Variants in NEK10 observed in about 807,000 individuals in gnomAD.
The protein encoded by NEK10 is serine/threonine-protein kinase Nek10.
Under a neutral mutation model 159.8 loss-of-function variants are expected in NEK10, and 122 were observed. The ratio of observed to expected loss-of-function variants is 0.76; its 90% CI spans 0.66 to 0.89. The LOEUF (loss-of-function observed/expected upper bound fraction) is 0.89, where lower values mean the gene tolerates loss of function less well. Ranked by LOEUF, NEK10 falls within the 40% of genes least tolerant of loss-of-function variation. The pLI is 0.00. For synonymous variants in NEK10, 466 were observed against 457.1 expected (o/e 1.02, Z -0.25); for missense variants, 1,342 against 1,323.1 (o/e 1.01, Z -0.22).
At chr3:27,280,905 T>C (rs2042106311) in intron 22 of NEK10, among the ~76,000 whole-genome samples, 1 of 132,684 alleles carries the variant, frequency 7.5e-6, no homozygotes, top group Non-Finnish European at 1.6e-5. Context: ...TGTGTATATG[T>C]ACATATGGTG....
chr3:27,257,026 G>A (rs568918561), intron 22 of NEK10, among the ~76,000 whole-genome samples: 2 of 147,252 alleles, frequency 1.4e-5, no homozygotes, highest in South Asian at 2.1e-4. Flanking sequence ...AGCAATTCTC[G>A]TGCCTCAGCC....
At chr3:27,264,244 C>G (rs1019811556) in intron 22 of NEK10, among the ~76,000 whole-genome samples, 12 of 152,138 alleles carry the variant, frequency 7.9e-5, no homozygotes, top group Non-Finnish European at 1.6e-4. Context: ...CAATTCTACA[C>G]AAACTCTACC....
chr3:27,311,073 C>A (rs2044659587), intron 8 of NEK10, 57 bp from the exon 9 acceptor site: 1 of 1,083,720 alleles, frequency 9.2e-7, no homozygotes, highest in East Asian at 2.4e-5. Context: ...GGGAGTACTT[C>A]CAGGAGCACA....
chr3:27,249,844 T>C (rs1056460115), intron 23 of NEK10, among the ~76,000 whole-genome samples: 4 of 152,196 alleles, frequency 2.6e-5, no homozygotes, highest in Non-Finnish European at 5.9e-5. Context: ...TTTTCTTTTA[T>C]GGTATGATTT....
chr3:27,191,964 A>G (rs1274983386), intron 26 of NEK10, 65 bp downstream of exon 26: 4 of 1,394,666 alleles, frequency 2.9e-6, no homozygotes, highest in Non-Finnish European at 4.1e-6. Context: ...CCTTAAAACA[A>G]GCATGAACAA....
intron 5 of NEK10, among the ~76,000 whole-genome samples, chr3:27,335,486 A>G (rs1361700965): frequency 1.3e-5 from 2 of 152,220 alleles, no homozygotes; most frequent in Admixed American, 6.5e-5. Flanking sequence ...TTGGATTTAA[A>G]CTGGACATTA....
At chr3:27,271,042 G>C (rs146293893) in intron 22 of NEK10, among the ~76,000 whole-genome samples, 1 of 152,100 alleles carries the variant, frequency 6.6e-6, no homozygotes, top group African/African-American at 2.4e-5. Context: ...ACTTTGTATT[G>C]CTTATCCCTG....
chr3:27,330,141 AC>A lies in NEK10; in HGVS notation c.363-7881del, dbSNP rs1430565769. Reference sequence around the variant, plus strand: ...CAGAACCCTTGGATATCAAGGGCTGACTGTGCCTGTGTGTGTGTGTACATGT... The same window carrying A: ...CAGAACCCTTGGATATCAAGGGCTGATGTGCCTGTGTGTGTGTGTACATGT... On this transcript the variant is annotated intron_variant, in intron 5 of 35. Transcript: ENST00000691995. Among the ~76,000 whole-genome samples the A allele has an allele frequency of 7.4e-5, 6 of 81,174 alleles. No homozygotes were observed. In the East Asian group the frequency reaches 5.1e-3, roughly 69 times the overall value. 53.3% of individuals were successfully genotyped at this position (81,174 alleles called of 152,430 possible).
intron 23 of NEK10, among the ~76,000 whole-genome samples, chr3:27,231,665 T>C (rs1241485896): frequency 6.6e-6 from 1 of 151,730 alleles, no homozygotes; most frequent in East Asian, 1.9e-4. Flanking sequence ...CTGGAGACAT[T>C]ACAACCAATA....
intron 30 of NEK10, among the ~76,000 whole-genome samples, chr3:27,158,887 T>A (rs1054134883): frequency 6.6e-6 from 1 of 152,184 alleles, no homozygotes; most frequent in African/African-American, 2.4e-5. Context: ...TGATTTAATT[T>A]TCACAAATAT....
chr3:27,361,457 G>A (rs776561815), intron 1 of NEK10, among the ~76,000 whole-genome samples: 1 of 152,116 alleles, frequency 6.6e-6, no homozygotes, highest in African/African-American at 2.4e-5. Flanking sequence ...AACTAAAGTA[G>A]CACACTAAAT....
At chr3:27,210,514 C>T (rs1199007049) in intron 23 of NEK10, among the ~76,000 whole-genome samples, 1 of 152,166 alleles carries the variant, frequency 6.6e-6, no homozygotes, top group East Asian at 1.9e-4. Flanking sequence ...CAAACCATAG[C>T]ACTCTGTATA....
At chr3:27,288,538 C>T (rs1253560429) in intron 19 of NEK10, among the ~76,000 whole-genome samples, 1 of 152,184 alleles carries the variant, frequency 6.6e-6, no homozygotes, top group Non-Finnish European at 1.5e-5. Flanking sequence ...CCCAGCTGTC[C>T]AGTCCTCGAA....
rs560578408 is a variant in NEK10, at chr3:27,312,298, T to C, written c.490-121A>G. 5.1e-5 allele frequency: 28 copies of C among 547,050 alleles called. No individual in the cohort carries two copies. In the East Asian group the frequency reaches 8.0e-4, roughly 16 times the overall value. The allele number at this position is 547,050 out of a possible 1,614,324, so 33.9% of individuals were successfully genotyped here. A position where few individuals can be genotyped will look rare whatever the true frequency, so the allele number is the denominator to read the frequency against. ...GTGGCAAAACAGATTCATCAAATAA[T>C]ACTCTCATGCTCCTGGAACAGTTAT... On this transcript the variant is annotated intron_variant, in intron 7 of 35. Transcript: ENST00000691995.
intron 23 of NEK10, among the ~76,000 whole-genome samples, chr3:27,246,316 C>T (rs1955058264): frequency 6.6e-6 from 1 of 152,020 alleles, no homozygotes; most frequent in South Asian, 2.1e-4. Context: ...ATTTTGTCAC[C>T]CACCAGTAAG....
At position 27,106,596 on chromosome 3, in the gene NEK10, A is replaced by C. The variant is rs1481126974; in HGVS notation, c.*4676T>G. On this transcript the variant is annotated 3_prime_UTR_variant, in exon 36 of 36. Coordinates refer to ENST00000691995, the MANE Select transcript of NEK10 (RefSeq NM_001394966.1). Reference sequence around the variant, plus strand: ...ATGCAGAGCTAAATCATGGGTTAAGAATATCATTTTGTAAGTGACCTTCAC... The same window carrying C: ...ATGCAGAGCTAAATCATGGGTTAAGCATATCATTTTGTAAGTGACCTTCAC... 6.6e-6 allele frequency among the ~76,000 whole-genome samples: 1 copy of C among 152,204 alleles called. No individual in the cohort carries two copies. The highest frequency in any genetic ancestry group is 1.5e-5 in the Non-Finnish European group (1 of 68,042).
intron 32 of NEK10, among the ~76,000 whole-genome samples, chr3:27,122,247 C>T (rs898315675): frequency 6.6e-6 from 1 of 152,094 alleles, no homozygotes; most frequent in African/African-American, 2.4e-5. Context: ...GTCTCTCCTG[C>T]CGCCCAGTGA....
At chr3:27,200,662 C>T (rs724244) in intron 25 of NEK10, among the ~76,000 whole-genome samples, 35,736 of 152,074 alleles carry the variant, frequency 0.23, 4,556 homozygotes, top group Middle Eastern at 0.38. Context: ...ATAAACAAAA[C>T]TCATGTATGC....
At chr3:27,288,806 C>T (rs1436235133) in intron 19 of NEK10, among the ~76,000 whole-genome samples, 4 of 152,182 alleles carry the variant, frequency 2.6e-5, no homozygotes, top group Admixed American at 2.6e-4. Flanking sequence ...ATCACATCAA[C>T]AAATGGCTTG....
Sources: gnomAD v4.1 joint callset for allele counts (sites outside exome capture counted in the v4.1 genomes callset) on GRCh38, gnomAD v4.1.1 for gene constraint, MANE v1.5 for transcripts, NCBI Gene and HGNC (gene_info 2026-07-23, HGNC 2026-07-21) for gene names.